ST6GAL1: variants seen among roughly 807,000 people sequenced by gnomAD.
ST6GAL1 encodes the protein beta-galactoside alpha-2,6-sialyltransferase 1.
In ST6GAL1, 20 loss-of-function variants were observed where a neutral mutation model predicts 38.0. The observed-to-expected ratio is 0.53, with a 90% CI of 0.37 to 0.77. The LOEUF (loss-of-function observed/expected upper bound fraction) is 0.77, where lower values mean the gene tolerates loss of function less well. ST6GAL1 is among the 30% of genes least tolerant of loss of function. ST6GAL1 has a pLI of 0.00. For synonymous variants in ST6GAL1, 196 were observed against 188.2 expected (o/e 1.04, Z -0.34); for missense variants, 432 against 496.4 (o/e 0.87, Z 1.23).
At chr3:187,044,815 A>G (rs1718241620) in intron 4 of ST6GAL1, among the ~76,000 whole-genome samples, 1 of 152,246 alleles carries the variant, frequency 6.6e-6, no homozygotes, top group Admixed American at 6.5e-5. Flanking sequence ...AAACATTAAT[A>G]CAAATAATAT....
intron 2 of ST6GAL1, among the ~76,000 whole-genome samples, chr3:187,028,842 C>T (rs907269900): frequency 1.3e-5 from 2 of 152,080 alleles, no homozygotes; most frequent in Non-Finnish European, 2.9e-5. Context: ...TTGACTTGTT[C>T]TTCTTTCTTC....
chr3:186,995,974 C>T (rs563691767), intron 2 of ST6GAL1, among the ~76,000 whole-genome samples: 4 of 152,270 alleles, frequency 2.6e-5, no homozygotes, highest in Non-Finnish European at 4.4e-5. Flanking sequence ...GACACAGGCC[C>T]ACAGGTGCAG....
At chr3:186,995,997 C>T (rs1167239618) in intron 2 of ST6GAL1, among the ~76,000 whole-genome samples, 3 of 152,190 alleles carry the variant, frequency 2.0e-5, no homozygotes, top group Non-Finnish European at 4.4e-5. Context: ...GCCATATTAT[C>T]GGTGCGTGTT....
At chr3:187,048,023 A>T (rs1718363167) in intron 4 of ST6GAL1, among the ~76,000 whole-genome samples, 1 of 151,176 alleles carries the variant, frequency 6.6e-6, no homozygotes, top group Admixed American at 6.6e-5. Context: ...GCTCACTGCA[A>T]GCTCCACCTC....
At chr3:187,062,519 A>C (rs532166103) in intron 5 of ST6GAL1, among the ~76,000 whole-genome samples, 108 of 151,980 alleles carry the variant, frequency 7.1e-4, no homozygotes, top group African/African-American at 2.4e-3. Flanking sequence ...AAATACCGAG[A>C]TTGGCTACAA....
chr3:186,952,496 C>T lies in ST6GAL1; in HGVS notation c.-324-11289C>T, dbSNP rs975523745. On this transcript the variant is annotated intron_variant, in intron 1 of 7. Transcript: ENST00000169298. This position sits in a 1 kb window ranked among gnomAD's most constrained non-coding sequence, Gnocchi z 4.1. ...TCCTTTTCTTGGCTCATTTTCTTTT[C>T]TTTTCTTTTCTTTTTTTATTTTTAT... Among the ~76,000 whole-genome samples, 2 of 151,904 alleles carry T rather than the reference C, an allele frequency of 1.3e-5. No homozygotes were observed. The highest frequency in any genetic ancestry group is 1.5e-5 in the Non-Finnish European group (1 of 67,956).
intron 2 of ST6GAL1, among the ~76,000 whole-genome samples, chr3:186,995,175 A>G (rs16848727): frequency 0.24 from 36,513 of 151,934 alleles, 4,494 homozygotes; most frequent in South Asian, 0.32. Flanking sequence ...ATTAGGATCC[A>G]GATAAAATCC....
At chr3:187,065,950 A>T (rs550720072) in intron 5 of ST6GAL1, among the ~76,000 whole-genome samples, 1 of 152,316 alleles carries the variant, frequency 6.6e-6, no homozygotes, top group Non-Finnish European at 1.5e-5. Flanking sequence ...GAGCCCAGAA[A>T]GTAAGCGACA....
chr3:186,969,120 C>T (rs964921609), intron 2 of ST6GAL1, among the ~76,000 whole-genome samples: 1 of 144,496 alleles, frequency 6.9e-6, no homozygotes, highest in Non-Finnish European at 1.5e-5. Flanking sequence ...GGCGCAATCT[C>T]AGCTCACTGC....
chr3:186,944,464 G>A (rs1399778760), intron 1 of ST6GAL1, among the ~76,000 whole-genome samples: 3 of 152,124 alleles, frequency 2.0e-5, no homozygotes, highest in Non-Finnish European at 4.4e-5. Flanking sequence ...GTTGGCTCTC[G>A]GGTAGGAGAG....
intron 4 of ST6GAL1, chr3:187,043,907 G>T (rs1579353098): frequency 6.6e-6 from 1 of 152,238 alleles, no homozygotes; most frequent in East Asian, 1.9e-4. Flanking sequence ...TCTTTGAAAA[G>T]ATTTAATTGG....
At chr3:187,014,565 T>A (rs1717059813) in intron 2 of ST6GAL1, among the ~76,000 whole-genome samples, 1 of 152,172 alleles carries the variant, frequency 6.6e-6, no homozygotes, top group South Asian at 2.1e-4. Context: ...TTCTTACATC[T>A]CCATCCTCCT....
chr3:186,932,731 G>C lies in ST6GAL1; in HGVS notation c.-325+1897G>C, dbSNP rs575438286. ...CCTGAGCCACTTGTGGGAGAACAAAGCATTGTTTTCACTGATCTTATTAAA... is the reference window on the plus strand; with the variant it reads ...CCTGAGCCACTTGTGGGAGAACAAACCATTGTTTTCACTGATCTTATTAAA... On this transcript the variant is annotated intron_variant, in intron 1 of 7. Coordinates refer to ENST00000169298, the MANE Select transcript of ST6GAL1 (RefSeq NM_173216.2). Among the ~76,000 whole-genome samples the C allele has an allele frequency of 2.0e-5, 3 of 147,954 alleles. No homozygotes were observed. In the East Asian group the frequency reaches 6.1e-4, roughly 30 times the overall value.
intron 2 of ST6GAL1, among the ~76,000 whole-genome samples, chr3:187,034,527 T>C (rs1230343532): frequency 2.0e-5 from 3 of 152,092 alleles, no homozygotes; most frequent in Non-Finnish European, 4.4e-5. Context: ...GCATACCGAA[T>C]CCAGCAGCAC....
intron 2 of ST6GAL1, chr3:187,022,008 A>G (rs188149344): frequency 2.6e-5 from 4 of 152,226 alleles, no homozygotes; most frequent in Non-Finnish European, 5.9e-5. Context: ...AGTAAATGTA[A>G]GTAGGGTGTT....
At position 186,952,810 on chromosome 3, in the gene ST6GAL1, T is replaced by G. The variant is rs4686449; in HGVS notation, c.-324-10975T>G. Among the ~76,000 whole-genome samples the G allele has an allele frequency of 0.92, 139,724 of 152,198 alleles. 64,242 individuals are homozygous for G. Among genetic ancestry groups the G allele is most frequent in the Middle Eastern group, 0.96 (283 of 294 alleles). ...TCAACCATCTACTTGACAAGTTTCC[T>G]TAGACATCTAATATACATCTCAAAT... On this transcript the variant is annotated intron_variant, in intron 1 of 7. Coordinates refer to ENST00000169298, the MANE Select transcript of ST6GAL1 (RefSeq NM_173216.2). This position sits in a 1 kb window ranked among gnomAD's most constrained non-coding sequence, Gnocchi z 4.1.
intron 2 of ST6GAL1, among the ~76,000 whole-genome samples, chr3:187,029,931 A>G (rs1039508407): frequency 2.0e-5 from 3 of 152,174 alleles, no homozygotes; most frequent in African/African-American, 7.2e-5. Flanking sequence ...TAGTTGGAAT[A>G]GGCTGCATAT....
intron 1 of ST6GAL1, among the ~76,000 whole-genome samples, chr3:186,955,550 T>A (rs1579268379): frequency 6.6e-6 from 1 of 152,230 alleles, no homozygotes; most frequent in East Asian, 1.9e-4. Context: ...TCACCCAGGC[T>A]GGAGTGCAGT....
chr3:186,939,211 C>T (rs1361915588), intron 1 of ST6GAL1, among the ~76,000 whole-genome samples: 2 of 151,884 alleles, frequency 1.3e-5, no homozygotes, highest in Non-Finnish European at 2.9e-5. Context: ...GTAGCTGGGA[C>T]TACAGGCATG....
Sources: allele counts gnomAD v4.1 joint callset (sites outside exome capture counted in the v4.1 genomes callset), GRCh38; gene constraint gnomAD v4.1.1; non-coding constraint Gnocchi (gnomAD v3.1); transcripts MANE v1.5; gene names NCBI Gene and HGNC (gene_info 2026-07-23, HGNC 2026-07-21).